ADARB1: variants seen among roughly 807,000 people sequenced by gnomAD.
ADARB1 encodes the protein adenosine deaminase RNA specific B1.
Under a neutral mutation model 52.4 loss-of-function variants are expected in ADARB1, and 10 were observed. That is an observed-to-expected ratio of 0.19 (90% CI 0.12 to 0.32). The LOEUF (loss-of-function observed/expected upper bound fraction) is 0.32, where lower values mean the gene tolerates loss of function less well. ADARB1 is among the 10% of genes least tolerant of loss of function. ADARB1 has a pLI of 1.00. For missense variants in ADARB1, 643 were observed against 922.3 expected, an observed-to-expected ratio of 0.70 and a Z score of 3.92; for synonymous variants, 349 against 371.1, an observed-to-expected ratio of 0.94 and a Z score of 0.68.
intron 1 of ADARB1, among the ~76,000 whole-genome samples, chr21:45,106,118 C>T (rs977894586): frequency 1.1e-4 from 16 of 150,178 alleles, no homozygotes; most frequent in African/African-American, 3.4e-4. Flanking sequence ...TTTGTTTTCT[C>T]ATCCACAGCA....
chr21:45,109,621 C>T (rs2087444127), intron 1 of ADARB1, among the ~76,000 whole-genome samples: 1 of 151,326 alleles, frequency 6.6e-6, no homozygotes, highest in Admixed American at 6.6e-5. Flanking sequence ...TGTTTTTGTC[C>T]CATCCTCCTG....
intron 1 of ADARB1, among the ~76,000 whole-genome samples, chr21:45,107,121 C>T (rs934950639): frequency 2.0e-5 from 3 of 152,090 alleles, no homozygotes; most frequent in Admixed American, 1.3e-4. Flanking sequence ...GAGACAACCC[C>T]ATTAACAATA....
rs2093002909 is a variant in ADARB1 at position 45,223,573 on chromosome 21, T to C, written c.*1376T>C. ...CCCAGCTCCAAGGCTCTAGAGGGTGTTCAGGTGGGTCTCCTGGGGCCATGG... is the reference window on the plus strand; with the variant it reads ...CCCAGCTCCAAGGCTCTAGAGGGTGCTCAGGTGGGTCTCCTGGGGCCATGG... On this transcript the variant is annotated 3_prime_UTR_variant, in exon 11 of 11. Coordinates refer to ENST00000348831, the MANE Select transcript of ADARB1 (RefSeq NM_001112.4). 1 of 985,568 alleles carries C rather than the reference T, an allele frequency of 1.0e-6. No homozygotes were observed. Among genetic ancestry groups the C allele is most frequent in the African/African-American group, 1.7e-5 (1 of 57,214 alleles). The allele number at this position is 985,568 out of a possible 1,614,324, so 61.1% of individuals were successfully genotyped here. A position where few individuals can be genotyped will look rare whatever the true frequency, so the allele number is the denominator to read the frequency against.
intron 2 of ADARB1, chr21:45,144,609 T>C: frequency 8.9e-6 from 4 of 449,016 alleles, no homozygotes; most frequent in South Asian, 6.4e-5. Context: ...TATTTTTATG[T>C]TTCTCTTCAA....
At chr21:45,091,690 T>G (rs1435399005) in intron 1 of ADARB1, among the ~76,000 whole-genome samples, 2 of 152,174 alleles carry the variant, frequency 1.3e-5, no homozygotes, top group East Asian at 3.9e-4. Flanking sequence ...CCTACAGCAT[T>G]GCCACATGTT....
intron 2 of ADARB1, among the ~76,000 whole-genome samples, chr21:45,139,282 C>T (rs1467946579): frequency 6.6e-6 from 1 of 152,192 alleles, no homozygotes; most frequent in Admixed American, 6.5e-5. Flanking sequence ...TTGGTTCAAT[C>T]AAAGTTCCAA....
At chr21:45,105,777 G>GA (rs2087224554) in intron 1 of ADARB1, among the ~76,000 whole-genome samples, 1 of 152,216 alleles carries the variant, frequency 6.6e-6, no homozygotes, top group Non-Finnish European at 1.5e-5. Context: ...TTGGTTGCAA[G>GA]AAGATAGGGG....
At position 45,178,108 on chromosome 21, in the gene ADARB1, A is replaced by T. The variant is rs535819972; in HGVS notation, c.963+1444A>T. On this transcript the variant is annotated intron_variant, in intron 4 of 10. Coordinates refer to ENST00000348831, the MANE Select transcript of ADARB1 (RefSeq NM_001112.4). Reference sequence around the variant, plus strand: ...GACAGAGTGGCATATAAGACCATTGAAATGACATCAAATGCCGTGGATCCC... The same window carrying T: ...GACAGAGTGGCATATAAGACCATTGTAATGACATCAAATGCCGTGGATCCC... Among the ~76,000 whole-genome samples the T allele has an allele frequency of 2.6e-5, 4 of 152,336 alleles. No individual in the cohort carries two copies. The East Asian group carries it at 7.7e-4, about 29-fold the overall frequency.
chr21:45,183,697 G>T (rs1403998964), intron 7 of ADARB1, among the ~76,000 whole-genome samples, 187 bp downstream of exon 7: 1 of 152,102 alleles, frequency 6.6e-6, no homozygotes, highest in East Asian at 1.9e-4. Context: ...AAACTTTAAT[G>T]AATGAAAAAT....
intron 2 of ADARB1, among the ~76,000 whole-genome samples, chr21:45,143,997 A>C (rs1219385195): frequency 2.6e-5 from 4 of 152,192 alleles, no homozygotes; most frequent in African/African-American, 9.7e-5. Context: ...AGCAGATGTT[A>C]ACGTCTTTGT....
rs17004752 is a variant in ADARB1, at chr21:45,208,304, A to G, written c.1747+3568A>G. Among the ~76,000 whole-genome samples the G allele has an allele frequency of 0.032, 4,867 of 152,288 alleles. 109 individuals are homozygous for G. Among genetic ancestry groups the G allele is most frequent in the Middle Eastern group, 0.048 (14 of 294 alleles). The stretch of plus-strand genomic sequence containing the variant: ...CAGCCTGCTCCGGGGTTTGCAGACA[A>G]GGCTTCCTATCCTGCTGGTTTTCAT... On this transcript the variant is annotated intron_variant, in intron 9 of 10. Transcript: ENST00000348831. The surrounding 1 kb of genome is among the most constrained non-coding windows in gnomAD (Gnocchi z 5.6).
chr21:45,176,965 C>T lies in ADARB1; in HGVS notation c.963+301C>T. 3.2e-6 allele frequency: 1 copy of T among 315,390 alleles called. No homozygotes were observed. Among genetic ancestry groups the T allele is most frequent in the Non-Finnish European group, 5.8e-6 (1 of 171,478 alleles). 19.5% of individuals were successfully genotyped at this position (315,390 alleles called of 1,614,324 possible). On this transcript the variant is annotated intron_variant, in intron 4 of 10. Transcript: ENST00000348831. This position sits in a 1 kb window ranked among gnomAD's most constrained non-coding sequence, Gnocchi z 5.8. ...AACTCCCTTCCCGTTAGGCAACCCC[C>T]CCCATGACCCTCATCCCACAGCAAG...
intron 2 of ADARB1, among the ~76,000 whole-genome samples, chr21:45,153,468 G>A (rs1249355101): frequency 6.6e-6 from 1 of 151,978 alleles, no homozygotes; most frequent in African/African-American, 2.4e-5. Context: ...TCTTCTGGGC[G>A]CCCCCTTAGT....
intron 2 of ADARB1, among the ~76,000 whole-genome samples, chr21:45,152,233 T>C (rs2090327709): frequency 6.6e-6 from 1 of 152,236 alleles, no homozygotes; most frequent in South Asian, 2.1e-4. Context: ...AGATTTTTTG[T>C]ATTAGGATTT....
At chr21:45,123,347 A>G (rs2088330089) in intron 1 of ADARB1, among the ~76,000 whole-genome samples, 1 of 152,172 alleles carries the variant, frequency 6.6e-6, no homozygotes, top group African/African-American at 2.4e-5. Flanking sequence ...TCTGTGGCCC[A>G]GGCCAGAATG....
At chr21:45,162,766 C>A (rs1056627471) in intron 2 of ADARB1, among the ~76,000 whole-genome samples, 3 of 152,172 alleles carry the variant, frequency 2.0e-5, no homozygotes, top group Admixed American at 6.5e-5. Context: ...GCCTATAGAA[C>A]CACAACCAAG....
At chr21:45,185,803 TA>T (rs1254223161) in intron 8 of ADARB1, among the ~76,000 whole-genome samples, 1 of 152,274 alleles carries the variant, frequency 6.6e-6, no homozygotes, top group Non-Finnish European at 1.5e-5. Context: ...TGATAAAGTT[TA>T]AAACCTCCCT....
At chr21:45,096,301 G>A (rs2086758743) in intron 1 of ADARB1, among the ~76,000 whole-genome samples, 1 of 152,220 alleles carries the variant, frequency 6.6e-6, no homozygotes, top group Admixed American at 6.5e-5. Context: ...TGTCCACAGG[G>A]AACAGAAGCG....
intron 2 of ADARB1, among the ~76,000 whole-genome samples, chr21:45,130,786 CT>C (rs2088883908): frequency 1.3e-5 from 2 of 152,082 alleles, no homozygotes; most frequent in South Asian, 4.2e-4. Flanking sequence ...CTGTTTTTGC[CT>C]TTCTTTTTGC....
Sources: allele counts gnomAD v4.1 joint callset (sites outside exome capture counted in the v4.1 genomes callset), GRCh38; gene constraint gnomAD v4.1.1; non-coding constraint Gnocchi (gnomAD v3.1); transcripts MANE v1.5; gene names NCBI Gene and HGNC (gene_info 2026-07-23, HGNC 2026-07-21).